The following SETBP1 variants were observed in gnomAD, a reference collection of about 807,000 sequenced individuals.
The protein encoded by SETBP1 is SET-binding protein.
Under a neutral mutation model 101.0 loss-of-function variants are expected in SETBP1, and 9 were observed. The ratio of observed to expected loss-of-function variants is 0.09; its 90% confidence interval spans 0.05 to 0.16. The LOEUF (loss-of-function observed/expected upper bound fraction) is 0.16. SETBP1 is among the 10% of genes least tolerant of loss of function. SETBP1 has a pLI of 1.00. For missense variants in SETBP1, 1,858 were observed against 2,033.8 expected (o/e 0.91, Z 1.66); for synonymous variants, 818 against 788.5 (o/e 1.04, Z -0.63).
intron 3 of SETBP1, among the ~76,000 whole-genome samples, chr18:44,921,436 C>T (rs1352807112): frequency 2.0e-5 from 3 of 151,998 alleles, no homozygotes; most frequent in African/African-American, 7.2e-5. Context: ...GTTCCAGTGG[C>T]AGTGGGTCTT....
chr18:45,034,697 G>T (rs2073360595), intron 4 of SETBP1, among the ~76,000 whole-genome samples: 1 of 152,054 alleles, frequency 6.6e-6, no homozygotes, highest in South Asian at 2.1e-4. Flanking sequence ...AAAACTTACT[G>T]GCCTCCAAAT....
chr18:44,890,409 A>G (rs557086646), intron 3 of SETBP1, among the ~76,000 whole-genome samples: 2 of 152,242 alleles, frequency 1.3e-5, no homozygotes, highest in African/African-American at 4.8e-5. Context: ...GTTTTTCTCC[A>G]TCTGAGAGAT....
At position 44,897,314 on chromosome 18, in the gene SETBP1, A is replaced by G. The variant is rs868713650; in HGVS notation, c.540+28031A>G. 2.0e-5 allele frequency among the ~76,000 whole-genome samples: 3 copies of G among 152,126 alleles called. 1 individual carries two copies. In the East Asian group the frequency reaches 5.8e-4, roughly 29 times the overall value. ...GCATCCCTATGTTTGAGAAAAAACAATCTGGACCTTCTGTATATTAGAAAG... is the reference window on the plus strand; with the variant it reads ...GCATCCCTATGTTTGAGAAAAAACAGTCTGGACCTTCTGTATATTAGAAAG... On this transcript the variant is annotated intron_variant, in intron 3 of 5. Transcript: ENST00000649279.
chr18:44,714,739 G>C (rs1273827723), intron 2 of SETBP1, among the ~76,000 whole-genome samples: 2 of 151,552 alleles, frequency 1.3e-5, no homozygotes, highest in East Asian at 3.9e-4. Flanking sequence ...TGCTGTGTAG[G>C]GTATAGAAAG....
chr18:45,013,533 G>A (rs144892404), intron 4 of SETBP1, among the ~76,000 whole-genome samples: 5 of 151,976 alleles, frequency 3.3e-5, no homozygotes, highest in South Asian at 4.2e-4. Flanking sequence ...TCTGCCTCCC[G>A]GGTTCAAGCA....
upstream of SETBP1, among the ~76,000 whole-genome samples, chr18:44,680,708 G>T (rs2068744837): frequency 1.3e-5 from 2 of 152,046 alleles, no homozygotes; most frequent in South Asian, 4.1e-4. Context: ...TGGAGGGCTG[G>T]GAGCTTATTG....
At chr18:44,938,606 G>A (rs563230041) in intron 3 of SETBP1, among the ~76,000 whole-genome samples, 1 of 152,348 alleles carries the variant, frequency 6.6e-6, no homozygotes, top group Non-Finnish European at 1.5e-5. Flanking sequence ...GCGGGGCAGT[G>A]TTAACTTTGA....
At chr18:44,808,097 G>T (rs76551757) in intron 2 of SETBP1, among the ~76,000 whole-genome samples, 71 of 152,300 alleles carry the variant, frequency 4.7e-4, no homozygotes, top group African/African-American at 1.6e-3. Flanking sequence ...GGCTCCTGTC[G>T]TTCCAGTACC....
chr18:44,907,146 A>AT (rs1488972755), intron 3 of SETBP1, among the ~76,000 whole-genome samples: 1 of 152,182 alleles, frequency 6.6e-6, no homozygotes, highest in African/African-American at 2.4e-5. Context: ...TTAGCATAGT[A>AT]TTTTTAAGGT....
intron 1 of SETBP1, among the ~76,000 whole-genome samples, chr18:44,694,217 G>A (rs1179577224): frequency 1.3e-5 from 2 of 152,072 alleles, no homozygotes; most frequent in Non-Finnish European, 2.9e-5. Flanking sequence ...TCGTTCTTAT[G>A]GTGTAAACAC....
chr18:44,694,339 G>A (rs1293700247), intron 1 of SETBP1, among the ~76,000 whole-genome samples: 3 of 152,132 alleles, frequency 2.0e-5, no homozygotes, highest in African/African-American at 2.4e-5. Flanking sequence ...AGCCTCCTGA[G>A]TAGCTGGGAT....
rs1223757423 is a variant in SETBP1 at position 44,950,989 on chromosome 18, C to T, written c.1649C>T (p.Thr550Ile). The change falls in exon 4 of 6, where the codon ACC becomes ATC. Residue 550 changes from threonine to isoleucine, a missense_variant. By Grantham distance (89) the Thr-to-Ile change is moderately conservative. Coordinates refer to ENST00000649279, the MANE Select transcript of SETBP1 (RefSeq NM_015559.3). ...ATGCTTCGAGAGGCAGTTATGGCCA[C>T]CTCTGATAAACTGATGCTGGAGCCC... is the stretch of plus-strand genomic sequence containing the variant. ...STMLREAVMATSDKLMLEPPS... is the reference protein window; with the variant it reads ...STMLREAVMAISDKLMLEPPS... 6 of 1,613,922 alleles carry T rather than the reference C, an allele frequency of 3.7e-6. No individual in the cohort carries two copies. The highest frequency in any genetic ancestry group is 3.4e-6 in the Non-Finnish European group (4 of 1,180,036).
intron 5 of SETBP1, among the ~76,000 whole-genome samples, chr18:45,047,942 G>T (rs1163323561): frequency 6.6e-6 from 1 of 152,120 alleles, no homozygotes; most frequent in East Asian, 1.9e-4. Flanking sequence ...TCTTCCCAAG[G>T]AGTCTCCTCC....
chr18:44,741,432 A>T (rs1169031295), intron 2 of SETBP1, among the ~76,000 whole-genome samples: 1 of 152,140 alleles, frequency 6.6e-6, no homozygotes. Context: ...GTCCTAAGAG[A>T]TCACCTTTCA....
intron 2 of SETBP1, among the ~76,000 whole-genome samples, chr18:44,868,706 GGAAGGGAGGAAGGAAGGA>G (rs1568190508): frequency 0.031 from 556 of 17,728 alleles, 24 homozygotes; most frequent in East Asian, 0.049. Flanking sequence ...GAGGACGGAA[GGAAGGGAGGAAGGAAGGA>G]AGGAAGGAAG....
chr18:44,865,142 T>C (rs1298402115), intron 2 of SETBP1, among the ~76,000 whole-genome samples: 1 of 152,182 alleles, frequency 6.6e-6, no homozygotes, highest in Non-Finnish European at 1.5e-5. Flanking sequence ...GCAGAGGTGC[T>C]CAGGGTTAGC....
intron 3 of SETBP1, among the ~76,000 whole-genome samples, chr18:44,914,364 G>A (rs962414379): frequency 6.6e-6 from 1 of 152,184 alleles, no homozygotes; most frequent in South Asian, 2.1e-4. Context: ...AACACAGAAC[G>A]TACTTGAGCT....
chr18:44,814,567 A>G (rs951048052), intron 2 of SETBP1, among the ~76,000 whole-genome samples: 1 of 152,224 alleles, frequency 6.6e-6, no homozygotes, highest in Non-Finnish European at 1.5e-5. Flanking sequence ...ATAAGCCAAG[A>G]CTAAATAAAA....
chr18:44,914,389 G>T (rs962000938), intron 3 of SETBP1, among the ~76,000 whole-genome samples: 7 of 152,174 alleles, frequency 4.6e-5, no homozygotes, highest in Non-Finnish European at 8.8e-5. Context: ...GGGAAATTGT[G>T]CATTATATTT....
Sources: gnomAD v4.1 joint callset for allele counts (sites outside exome capture counted in the v4.1 genomes callset) on GRCh38, gnomAD v4.1.1 for gene constraint, MANE v1.5 for transcripts, NCBI Gene and HGNC (gene_info 2026-07-23, HGNC 2026-07-21) for gene names.